AEBP2: variants seen among roughly 807,000 people sequenced by gnomAD.
AEBP2 encodes the protein AE binding protein 2, also known as zinc finger protein AEBP2.
AEBP2 carries 10 observed loss-of-function variants against 50.8 expected under a neutral mutation model. The observed-to-expected ratio is 0.20, with a 90% CI of 0.12 to 0.33. AEBP2 has a LOEUF of 0.33. AEBP2 is among the 10% of genes least tolerant of loss of function. The pLI is 1.00. For synonymous variants in AEBP2, 296 were observed against 261.3 expected, an observed-to-expected ratio of 1.13 and a Z score of -1.28; for missense variants, 570 against 688.0, an observed-to-expected ratio of 0.83 and a Z score of 1.92.
intron 3 of AEBP2, among the ~76,000 whole-genome samples, chr12:19,481,402 C>T (rs566169606): frequency 6.6e-6 from 1 of 151,910 alleles, no homozygotes; most frequent in Non-Finnish European, 1.5e-5. Context: ...TGTGCCTGGC[C>T]TTCAGTGCGT....
chr12:19,459,354 C>T (rs1295795593), intron 1 of AEBP2, among the ~76,000 whole-genome samples: 2 of 152,008 alleles, frequency 1.3e-5, no homozygotes, highest in Non-Finnish European at 2.9e-5. Context: ...GCCTTAGCCT[C>T]CTGAGTAGCT....
chr12:19,472,620 C>G (rs565344047), intron 2 of AEBP2, among the ~76,000 whole-genome samples: 38 of 152,176 alleles, frequency 2.5e-4, no homozygotes, highest in African/African-American at 8.9e-4. Context: ...ATATTCCAGA[C>G]AGGGTCTCAA....
intron 5 of AEBP2, among the ~76,000 whole-genome samples, chr12:19,511,922 G>T (rs1324825225): frequency 6.6e-6 from 1 of 152,038 alleles, no homozygotes; most frequent in Non-Finnish European, 1.5e-5. Context: ...TTTCAGTCTT[G>T]TGGGAAAGAC....
chr12:19,507,160 A>G (rs1292254880), intron 5 of AEBP2, among the ~76,000 whole-genome samples: 1 of 152,208 alleles, frequency 6.6e-6, no homozygotes, highest in Non-Finnish European at 1.5e-5. Context: ...AAGTGTAAAT[A>G]AAGAGAAAGT....
In AEBP2 at chr12:19,500,085, G is replaced by A. The variant is rs765619511; in HGVS notation, c.1175-12G>A. ...TTTCTAAATATTCTTTACTTTTTAT[G>A]TTGACTTTTAGCACGGCCACATGAT... On this transcript the variant is annotated splice_polypyrimidine_tract_variant and intron_variant, in intron 4 of 7. Coordinates refer to ENST00000266508, the MANE Select transcript of AEBP2 (RefSeq NM_153207.5). The A allele has an allele frequency of 2.5e-6, 4 of 1,595,564 alleles. No individual in the cohort carries two copies. The African/African-American group carries it at 4.0e-5, about 16-fold the overall frequency.
intron 1 of AEBP2, chr12:19,413,457 T>C (rs1028068968): frequency 2.7e-6 from 3 of 1,092,628 alleles, no homozygotes; most frequent in Non-Finnish European, 4.2e-6. Context: ...AAGACGATTA[T>C]TGAACTACAA....
Position 19,484,615 on chromosome 12 carries a change from C to T in AEBP2, c.988-9185C>T, listed in dbSNP as rs550297677. On this transcript the variant is annotated intron_variant, in intron 3 of 7. Transcript: ENST00000266508. ...GTCTCGATCTCTTGACCTCGTGATC[C>T]GCCCGCCTTGGCCTCACAAAGTGCT... 5.3e-5 allele frequency among the ~76,000 whole-genome samples: 8 copies of T among 152,128 alleles called. No homozygotes were observed. The South Asian group carries it at 1.7e-3, about 32-fold the overall frequency.
At chr12:19,465,555 A>G (rs1948457652) in intron 2 of AEBP2, among the ~76,000 whole-genome samples, 1 of 152,096 alleles carries the variant, frequency 6.6e-6, no homozygotes, top group Non-Finnish European at 1.5e-5. Context: ...TAGAATATAG[A>G]CTATGGTTTG....
At chr12:19,482,894 G>C (rs1052902614) in intron 3 of AEBP2, among the ~76,000 whole-genome samples, 1 of 152,176 alleles carries the variant, frequency 6.6e-6, no homozygotes, top group Non-Finnish European at 1.5e-5. Context: ...GGTTGCGAGA[G>C]ACCTCATTCA....
chr12:19,477,876 G>A (rs1704542413), intron 3 of AEBP2, among the ~76,000 whole-genome samples: 2 of 152,162 alleles, frequency 1.3e-5, no homozygotes, highest in Admixed American at 1.3e-4. Context: ...TTCTTTGAAT[G>A]TCTGATAGAG....
chr12:19,502,979 G>A (rs1565734513), intron 5 of AEBP2, among the ~76,000 whole-genome samples: 1 of 152,130 alleles, frequency 6.6e-6, no homozygotes, highest in Non-Finnish European at 1.5e-5. Flanking sequence ...ATGCTGCACT[G>A]TTTTGGTTAC....
chr12:19,471,120 G>A (rs898618935), intron 2 of AEBP2, among the ~76,000 whole-genome samples: 14 of 151,006 alleles, frequency 9.3e-5, no homozygotes, highest in African/African-American at 3.4e-4. Context: ...TAGTAGTTGT[G>A]TTTTTTTTTC....
chr12:19,451,128 T>A (rs1046876807), intron 1 of AEBP2, among the ~76,000 whole-genome samples: 1 of 152,232 alleles, frequency 6.6e-6, no homozygotes, highest in Non-Finnish European at 1.5e-5. Flanking sequence ...GTTCCAGTTA[T>A]TATGGCTGCA....
chr12:19,443,683 A>G (rs1592718217), intron 1 of AEBP2, among the ~76,000 whole-genome samples: 1 of 152,092 alleles, frequency 6.6e-6, no homozygotes, highest in East Asian at 1.9e-4. Flanking sequence ...AGATTGCACC[A>G]CTGCACTCCA....
chr12:19,418,692 C>G (rs888475765), intron 1 of AEBP2, among the ~76,000 whole-genome samples: 27 of 152,102 alleles, frequency 1.8e-4, no homozygotes, highest in Non-Finnish European at 3.7e-4. Flanking sequence ...TTATGTATCC[C>G]TAAAATGTAT....
upstream of AEBP2, among the ~76,000 whole-genome samples, chr12:19,438,331 A>T (rs1025289112): frequency 3.9e-5 from 6 of 152,220 alleles, no homozygotes; most frequent in Non-Finnish European, 7.3e-5. Flanking sequence ...TGCGAAAGGC[A>T]TTCAAAGAAT....
At chr12:19,477,282 G>C (rs1479642700) in intron 3 of AEBP2, among the ~76,000 whole-genome samples, 2 of 152,054 alleles carry the variant, frequency 1.3e-5, no homozygotes, top group Non-Finnish European at 2.9e-5. Context: ...TTACCTATTC[G>C]GATGTCCTTT....
In AEBP2 at chr12:19,500,122, A is replaced by C; in HGVS notation, c.1200A>C (p.Ala400=). 1 of 1,607,206 alleles carries C rather than the reference A, an allele frequency of 6.2e-7. No homozygotes were observed. The highest frequency in any genetic ancestry group is 8.5e-7 in the Non-Finnish European group (1 of 1,176,918). Residue 400 remains alanine (A), a synonymous_variant, in exon 5 of 8, where the codon GCA becomes GCC. Transcript: ENST00000266508. ...SLPRPHDFFD[A]QTLDAIRHRA... ...CACGGCCACATGATTTCTTCGATGC[A>C]CAAACACTGGATGCGATAAGACATC...
At position 19,518,422 on chromosome 12, in the gene AEBP2, T is replaced by C. The variant is rs1949350906; in HGVS notation, c.*305T>C. 2 of 1,234,104 alleles carry C rather than the reference T, an allele frequency of 1.6e-6. No homozygotes were observed. The highest frequency in any genetic ancestry group is 1.5e-5 in the African/African-American group (1 of 64,606). The allele number at this position is 1,234,104 out of a possible 1,614,324, so 76.4% of individuals were successfully genotyped here. On this transcript the variant is annotated 3_prime_UTR_variant, in exon 8 of 8. Coordinates refer to ENST00000266508, the MANE Select transcript of AEBP2 (RefSeq NM_153207.5). ...ACAGCTTCTTAAAGGCTTTGCATGC[T>C]TGCTGCTTTAAGCTGCTTTTTTTTT...
Sources: allele counts gnomAD v4.1 joint callset (sites outside exome capture counted in the v4.1 genomes callset), GRCh38; gene constraint gnomAD v4.1.1; transcripts MANE v1.5; gene names NCBI Gene and HGNC (gene_info 2026-07-23, HGNC 2026-07-21).